The following PAPPA2 variants were observed in gnomAD, a reference collection of about 807,000 sequenced individuals.
PAPPA2 encodes the protein pappalysin 2, also known as pappalysin-2.
A neutral mutation model predicts 176.4 loss-of-function variants in PAPPA2; 86 were observed. The observed-to-expected ratio is 0.49, with a 90% confidence interval of 0.41 to 0.58. The LOEUF (loss-of-function observed/expected upper bound fraction) is 0.58, where lower values mean the gene tolerates loss of function less well. Among genes scored for constraint, PAPPA2 ranks in the 20% least tolerant of loss-of-function variants. The probability of loss-of-function intolerance (pLI) is 0.00; values close to 1 mark genes in which losing one functional copy is unlikely to be tolerated. For missense variants in PAPPA2, 2,073 were observed against 2,256.9 expected, an observed-to-expected ratio of 0.92 and a Z score of 1.65; for synonymous variants, 809 against 852.2, an observed-to-expected ratio of 0.95 and a Z score of 0.88.
intron 17 of PAPPA2, among the ~76,000 whole-genome samples, chr1:176,779,986 C>G (rs559037672): frequency 6.6e-6 from 1 of 152,274 alleles, no homozygotes; most frequent in African/African-American, 2.4e-5. Context: ...AGGAGTATGG[C>G]CAATGCAGGA....
intron 14 of PAPPA2, among the ~76,000 whole-genome samples, chr1:176,760,817 G>GT (rs983934053): frequency 8.1e-4 from 123 of 151,686 alleles, no homozygotes; most frequent in Admixed American, 3.9e-3. Flanking sequence ...TTTTGTTTTT[G>GT]TTTTTTTTGT....
intron 2 of PAPPA2, among the ~76,000 whole-genome samples, chr1:176,588,122 T>C (rs1265205419): frequency 6.6e-6 from 1 of 152,242 alleles, no homozygotes; most frequent in African/African-American, 2.4e-5. Flanking sequence ...GAAGAGATCC[T>C]TCATATCACT....
rs58591760 is a variant in PAPPA2 at position 176,752,342 on chromosome 1, TAAAAAA to T, written c.4151+12164_4151+12169del. Among the ~76,000 whole-genome samples the T allele has an allele frequency of 8.7e-3, 839 of 96,502 alleles. 12 individuals are homozygous for T. Among genetic ancestry groups the T allele is most frequent in the African/African-American group, 0.029 (797 of 27,708 alleles). 63.3% of individuals were successfully genotyped at this position (96,502 alleles called of 152,430 possible). ...ATGTACCCTAAAACTTAGAGTATAATAAAAAAAAAAAAAAAAAAAAAAACATTTACC... is the reference window on the plus strand; with the variant it reads ...ATGTACCCTAAAACTTAGAGTATAATAAAAAAAAAAAAAAAAACATTTACC... On this transcript the variant is annotated intron_variant, in intron 14 of 22. Transcript: ENST00000367662.
chr1:176,515,865 C>A (rs1648881557), intron 1 of PAPPA2, among the ~76,000 whole-genome samples: 1 of 152,146 alleles, frequency 6.6e-6, no homozygotes, highest in African/African-American at 2.4e-5. Flanking sequence ...TTCCCTCTTG[C>A]TGGGATAAAT....
At chr1:176,727,768 G>A (rs1661952358) in intron 12 of PAPPA2, among the ~76,000 whole-genome samples, 1 of 151,914 alleles carries the variant, frequency 6.6e-6, no homozygotes, top group African/African-American at 2.4e-5. Context: ...GAATGCTCAT[G>A]GTACTTCACC....
chr1:176,772,612 C>G (rs750858971), intron 17 of PAPPA2, among the ~76,000 whole-genome samples: 1 of 152,060 alleles, frequency 6.6e-6, no homozygotes, highest in Non-Finnish European at 1.5e-5. Flanking sequence ...AGGGAAGGGC[C>G]AGGCTGATTA....
intron 14 of PAPPA2, among the ~76,000 whole-genome samples, chr1:176,758,507 C>T (rs1663545520): frequency 6.6e-6 from 1 of 152,184 alleles, no homozygotes; most frequent in South Asian, 2.1e-4. Context: ...TTCTGTACAT[C>T]CTACTCCTAT....
At chr1:176,716,801 CG>C (rs1227961604) in intron 12 of PAPPA2, among the ~76,000 whole-genome samples, 23 of 151,276 alleles carry the variant, frequency 1.5e-4, no homozygotes, top group Non-Finnish European at 2.5e-4. Context: ...TTAGTAGAGA[CG>C]GGGTTTCACC....
intron 1 of PAPPA2, among the ~76,000 whole-genome samples, chr1:176,488,489 T>C (rs1652744481): frequency 6.6e-6 from 1 of 152,158 alleles, no homozygotes; most frequent in Non-Finnish European, 1.5e-5. Flanking sequence ...AGTACAATCT[T>C]GGCTTAGTCA....
chr1:176,674,929 A>G (rs1371683082), intron 4 of PAPPA2, among the ~76,000 whole-genome samples: 1 of 151,996 alleles, frequency 6.6e-6, no homozygotes, highest in African/African-American at 2.4e-5. Flanking sequence ...CCACAGCCAC[A>G]TCAACATCTA....
intron 4 of PAPPA2, among the ~76,000 whole-genome samples, chr1:176,676,467 A>G (rs1305896759): frequency 6.6e-6 from 1 of 151,996 alleles, no homozygotes; most frequent in Non-Finnish European, 1.5e-5. Context: ...AAAAAAAAAA[A>G]GCCAATCTCA....
intron 21 of PAPPA2, among the ~76,000 whole-genome samples, chr1:176,816,813 C>A (rs1666424336): frequency 6.6e-6 from 1 of 152,124 alleles, no homozygotes; most frequent in African/African-American, 2.4e-5. Flanking sequence ...GAAAAAGAGG[C>A]ACCTGATAGA....
At chr1:176,591,118 C>CAG (rs1436727378) in intron 2 of PAPPA2, among the ~76,000 whole-genome samples, 206 of 150,042 alleles carry the variant, frequency 1.4e-3, no homozygotes, top group African/African-American at 5.0e-3. Context: ...CACACACACA[C>CAG]ACACACAAAA....
chr1:176,620,820 T>C (rs770969798), intron 3 of PAPPA2, among the ~76,000 whole-genome samples: 1 of 152,206 alleles, frequency 6.6e-6, no homozygotes, highest in African/African-American at 2.4e-5. Flanking sequence ...TAGCTGAGTA[T>C]AAAAAGTAAT....
At position 176,556,991 on chromosome 1, in the gene PAPPA2, CA is replaced by C; in HGVS notation, c.671del (p.Lys224SerfsTer35). 1 of 1,614,052 alleles carries C rather than the reference CA, an allele frequency of 6.2e-7. No individual in the cohort carries two copies. Among genetic ancestry groups the C allele is most frequent in the Non-Finnish European group, 8.5e-7 (1 of 1,180,004 alleles). ...GISSHFQPWP[K>X]HSLKHRVKKS... ...TCTCTTCACATTTCCAACCTTGGCC[CA>C]AGCATTCCCTTAAACACAGGGTCAA... On this transcript the variant is annotated frameshift_variant, in exon 2 of 23. Transcript: ENST00000367662. LOFTEE classifies it high-confidence loss of function.
chr1:176,702,786 A>T (rs746809488), intron 9 of PAPPA2, 51 bp downstream of exon 9: 2,051 of 1,324,050 alleles, frequency 1.5e-3, no homozygotes, highest in South Asian at 5.1e-3. Flanking sequence ...TGAGAGAGAG[A>T]GAGAGAGAGA....
At chr1:176,683,212 T>G (rs1448191416) in intron 4 of PAPPA2, among the ~76,000 whole-genome samples, 3 of 152,078 alleles carry the variant, frequency 2.0e-5, no homozygotes, top group African/African-American at 7.2e-5. Flanking sequence ...ATTAGCAGAT[T>G]CTTTCTTTTC....
At chr1:176,835,513 T>TTTGTTG (rs572609875) in intron 21 of PAPPA2, among the ~76,000 whole-genome samples, 1 of 151,938 alleles carries the variant, frequency 6.6e-6, no homozygotes, top group South Asian at 2.1e-4. Context: ...CCTTTCATCT[T>TTTGTTG]TTGTTGTTGT....
At chr1:176,690,731 C>T (rs1166028187) in intron 5 of PAPPA2, 2 of 1,183,748 alleles carry the variant, frequency 1.7e-6, no homozygotes, top group Admixed American at 8.4e-5. Context: ...ATCCCCTTGA[C>T]TTCTAGAATG....
Sources: gnomAD v4.1 joint callset for allele counts (sites outside exome capture counted in the v4.1 genomes callset) on GRCh38, gnomAD v4.1.1 for gene constraint, MANE v1.5 for transcripts, NCBI Gene and HGNC (gene_info 2026-07-23, HGNC 2026-07-21) for gene names.